Variants in CUX1 observed in about 807,000 individuals in gnomAD.
CUX1 encodes the protein protein CASP.
In CUX1, 31 loss-of-function variants were observed where a neutral mutation model predicts 158.8. The ratio of observed to expected loss-of-function variants is 0.20; its 90% CI spans 0.15 to 0.26. The LOEUF is 0.26. Ranked by LOEUF, CUX1 falls within the 10% of genes least tolerant of loss-of-function variation. CUX1 has a pLI of 1.00. For synonymous variants in CUX1, 879 were observed against 862.1 expected, an observed-to-expected ratio of 1.02 and a Z score of -0.34; for missense variants, 1,589 against 2,014.6, an observed-to-expected ratio of 0.79 and a Z score of 4.04.
At chr7:101,872,020 CAA>C (rs957631886) in intron 1 of CUX1, among the ~76,000 whole-genome samples, 1 of 141,990 alleles carries the variant, frequency 7.0e-6, no homozygotes. Flanking sequence ...TCCATCCCCC[CAA>C]AAAAAAAAAA....
At chr7:102,134,349 TA>T (rs1208685469) in intron 8 of CUX1, among the ~76,000 whole-genome samples, 2 of 151,916 alleles carry the variant, frequency 1.3e-5, no homozygotes, top group African/African-American at 2.4e-5. Flanking sequence ...AAATAAAAAT[TA>T]AAAAAAATTG....
In CUX1 at chr7:102,149,164, A is replaced by G. The variant is rs1835341796; in HGVS notation, c.675-9396A>G. ...TTGTTACAAAATTGAACAGGCTTCC[A>G]TTTCCCTGTGGCCTCTCTCTCTAGA... On this transcript the variant is annotated intron_variant, in intron 8 of 23. Coordinates refer to ENST00000292535, the MANE Select transcript of CUX1 (RefSeq NM_181552.4). 2.6e-5 allele frequency among the ~76,000 whole-genome samples: 4 copies of G among 151,902 alleles called. No individual in the cohort carries two copies. The South Asian group carries it at 8.3e-4, about 32-fold the overall frequency.
At chr7:102,063,558 T>C (rs1302690985) in intron 3 of CUX1, among the ~76,000 whole-genome samples, 1 of 151,840 alleles carries the variant, frequency 6.6e-6, no homozygotes, top group African/African-American at 2.4e-5. Flanking sequence ...CCAGCTAATT[T>C]TTATAGTTTT....
intron 1 of CUX1, among the ~76,000 whole-genome samples, chr7:101,830,509 G>A (rs1446547697): frequency 6.6e-6 from 1 of 152,200 alleles, no homozygotes; most frequent in African/African-American, 2.4e-5. Flanking sequence ...GTGGACTGCA[G>A]TGGTGGGATC....
intron 12 of CUX1, among the ~76,000 whole-genome samples, chr7:102,193,163 A>C (rs1650340386): frequency 1.3e-5 from 2 of 152,206 alleles, no homozygotes; most frequent in African/African-American, 4.8e-5. Context: ...GCCAGTTAGG[A>C]GTGAGGTGTG....
At chr7:101,993,928 C>G (rs911556919) in intron 2 of CUX1, among the ~76,000 whole-genome samples, 2 of 152,212 alleles carry the variant, frequency 1.3e-5, no homozygotes, top group South Asian at 2.1e-4. Flanking sequence ...TCTCTGTCCT[C>G]CCAGCCCCAA....
At chr7:101,838,610 T>G (rs1211755544) in intron 1 of CUX1, among the ~76,000 whole-genome samples, 1 of 151,654 alleles carries the variant, frequency 6.6e-6, no homozygotes. Context: ...AAGACCAGCC[T>G]GACCAACATG....
chr7:101,889,731 C>T (rs1378909313), intron 1 of CUX1, among the ~76,000 whole-genome samples: 1 of 152,156 alleles, frequency 6.6e-6, no homozygotes, highest in African/African-American at 2.4e-5. Flanking sequence ...GAGATCACAC[C>T]GCTGCACTCC....
At chr7:102,121,080 A>G (rs114374096) in intron 8 of CUX1, among the ~76,000 whole-genome samples, 224 of 152,192 alleles carry the variant, frequency 1.5e-3, no homozygotes, top group African/African-American at 5.3e-3. Flanking sequence ...AATAATAATA[A>G]TTTTTAAAAG....
At chr7:102,194,146 C>A in intron 13 of CUX1, 1 of 536,374 alleles carries the variant, frequency 1.9e-6, no homozygotes, top group Non-Finnish European at 3.3e-6. Context: ...ATTGCTTCAT[C>A]CCTGACTGAT....
At chr7:101,984,144 ATATATGTGTG>A (rs1437644277) in intron 2 of CUX1, among the ~76,000 whole-genome samples, 6 of 88,450 alleles carry the variant, frequency 6.8e-5, no homozygotes, top group Non-Finnish European at 1.0e-4. Flanking sequence ...ACACACATAT[ATATATGTGTG>A]TGTGTGTGTG....
Position 102,248,495 on chromosome 7 carries a change from C to T in CUX1, c.3971C>T (p.Ala1324Val), listed in dbSNP as rs549016321. The T allele has an allele frequency of 1.3e-6, 2 of 1,571,798 alleles. No individual in the cohort carries two copies. The highest frequency in any genetic ancestry group is 1.1e-5 in the South Asian group (1 of 87,670). Reference sequence around the variant, plus strand: ...GCGGGCGCCAGCGACTCACCCTCGGCCCGCAGCGGCCGGGCGGCGCCCAGC... The same window carrying T: ...GCGGGCGCCAGCGACTCACCCTCGGTCCGCAGCGGCCGGGCGGCGCCCAGC... ...GQAGASDSPSARSGRAAPSSE... is the reference protein window; with the variant it reads ...GQAGASDSPSVRSGRAAPSSE... The change falls in exon 24 of 24, where the codon GCC (alanine) becomes GTC (valine). Residue 1324 changes from alanine to valine, a missense_variant. Transcript: ENST00000292535. This position sits in a 1 kb window ranked among gnomAD's most constrained non-coding sequence, Gnocchi z 5.8.
chr7:101,959,814 A>G (rs1366626624), intron 2 of CUX1, among the ~76,000 whole-genome samples: 2 of 152,166 alleles, frequency 1.3e-5, no homozygotes, highest in Non-Finnish European at 2.9e-5. Context: ...CACCGCGTAC[A>G]TATTCTCTGT....
At chr7:102,076,937 G>A (rs529384411) in intron 4 of CUX1, among the ~76,000 whole-genome samples, 86 of 151,790 alleles carry the variant, frequency 5.7e-4, no homozygotes, top group African/African-American at 2.0e-3. Flanking sequence ...AGGAGGCTGC[G>A]GTGGGTGGAT....
intron 6 of CUX1, among the ~76,000 whole-genome samples, chr7:102,105,110 C>G (rs576410793): frequency 6.6e-6 from 1 of 152,104 alleles, no homozygotes; most frequent in Admixed American, 6.6e-5. Flanking sequence ...TGTGTGTCCT[C>G]TGGGGACAAG....
At chr7:102,169,966 G>A (rs1237516232) in intron 9 of CUX1, among the ~76,000 whole-genome samples, 3 of 152,138 alleles carry the variant, frequency 2.0e-5, no homozygotes, top group Non-Finnish European at 4.4e-5. Context: ...CATCCTGTAC[G>A]TTTATGGAAA....
At chr7:101,863,267 A>G (rs754727669) in intron 1 of CUX1, among the ~76,000 whole-genome samples, 6 of 152,192 alleles carry the variant, frequency 3.9e-5, no homozygotes, top group Non-Finnish European at 8.8e-5. Context: ...TGTTTCAATC[A>G]GAACAAGAAA....
chr7:102,178,765 C>G, intron 11 of CUX1, 108 bp downstream of exon 11: 1 of 1,201,210 alleles, frequency 8.3e-7, no homozygotes, highest in Non-Finnish European at 1.2e-6. Context: ...GCAAGTGTGG[C>G]AACCTTGAAC....
intron 9 of CUX1, among the ~76,000 whole-genome samples, chr7:102,162,817 G>A (rs782713635): frequency 6.6e-6 from 1 of 152,100 alleles, no homozygotes; most frequent in African/African-American, 2.4e-5. Context: ...TGCCCAGCCA[G>A]GAAGCTTATT....
Sources: allele counts gnomAD v4.1 joint callset (sites outside exome capture counted in the v4.1 genomes callset), GRCh38; gene constraint gnomAD v4.1.1; non-coding constraint Gnocchi (gnomAD v3.1); transcripts MANE v1.5; gene names NCBI Gene and HGNC (gene_info 2026-07-23, HGNC 2026-07-21).